SYT17: variants seen among roughly 807,000 people sequenced by gnomAD.
The protein encoded by SYT17 is synaptotagmin-17.
Under a neutral mutation model 46.7 loss-of-function variants are expected in SYT17, and 22 were observed. The observed-to-expected ratio is 0.47, with a 90% CI of 0.34 to 0.67. The LOEUF (loss-of-function observed/expected upper bound fraction) is 0.67, where lower values mean the gene tolerates loss of function less well. SYT17 is among the 30% of genes least tolerant of loss of function. The pLI, the probability that SYT17 is intolerant of heterozygous loss-of-function variation, is 0.01. For synonymous variants in SYT17, 251 were observed against 248.4 expected (o/e 1.01, Z -0.10); for missense variants, 519 against 612.8 (o/e 0.85, Z 1.62).
chr16:19,206,629 A>T (rs1052005767), intron 5 of SYT17, among the ~76,000 whole-genome samples: 2 of 152,058 alleles, frequency 1.3e-5, no homozygotes, highest in Non-Finnish European at 2.9e-5. Context: ...TACAGGAGAA[A>T]CCACCCCAGG....
rs1037786567 is a variant in SYT17 at position 19,233,587 on chromosome 16, T to C, written c.1228+8749T>C. On this transcript the variant is annotated intron_variant, in intron 7 of 7. Transcript: ENST00000355377. Reference sequence around the variant, plus strand: ...GGGAGGATCACTTGAGTCCAGGAGGTCAAGGCTGCAGTGAGCTAGGATCAT... The same window carrying C: ...GGGAGGATCACTTGAGTCCAGGAGGCCAAGGCTGCAGTGAGCTAGGATCAT... 9.3e-5 allele frequency among the ~76,000 whole-genome samples: 14 copies of C among 151,138 alleles called. No individual in the cohort carries two copies. In the South Asian group the frequency reaches 2.1e-3, roughly 23 times the overall value.
At position 19,172,754 on chromosome 16, in the gene SYT17, G is replaced by A. The variant is rs781617784; in HGVS notation, c.16-6G>A. 3 of 1,613,340 alleles carry A rather than the reference G, an allele frequency of 1.9e-6. No homozygotes were observed. The Admixed American group carries it at 5.0e-5, about 27-fold the overall frequency. On this transcript the variant is annotated splice_region_variant and splice_polypyrimidine_tract_variant and intron_variant, in intron 1 of 7. Transcript: ENST00000355377. ...CTTGGCTTCATCGTGGATCTTAAAAGGGCAGTTGGAACCATTAAACGAGGT... is the reference window on the plus strand; with the variant it reads ...CTTGGCTTCATCGTGGATCTTAAAAAGGCAGTTGGAACCATTAAACGAGGT...
chr16:19,218,634 A>G (rs1966184810), intron 5 of SYT17, among the ~76,000 whole-genome samples: 2 of 152,220 alleles, frequency 1.3e-5, no homozygotes, highest in Non-Finnish European at 2.9e-5. Flanking sequence ...TTCTATCCAC[A>G]CTTGAAGGCT....
chr16:19,182,331 C>T (rs185625340), intron 4 of SYT17, among the ~76,000 whole-genome samples: 1 of 151,868 alleles, frequency 6.6e-6, no homozygotes, highest in Admixed American at 6.6e-5. Context: ...ATGAGATTCA[C>T]TTGCACCTGG....
At position 19,203,765 on chromosome 16, in the gene SYT17, G is replaced by A. The variant is rs994704316; in HGVS notation, c.952-19280G>A. Among the ~76,000 whole-genome samples, 4 of 152,362 alleles carry A rather than the reference G, an allele frequency of 2.6e-5. No individual in the cohort carries two copies. In the South Asian group the frequency reaches 6.2e-4, roughly 24 times the overall value. ...TTCTGCTGGTAGAATAAACAGCCAC[G>A]TGTTCACTGAAAGAGGTAAATCTCA... On this transcript the variant is annotated intron_variant, in intron 5 of 7. Transcript: ENST00000355377.
chr16:19,205,466 G>T (rs1481972215), intron 5 of SYT17, among the ~76,000 whole-genome samples: 2 of 150,528 alleles, frequency 1.3e-5, no homozygotes, highest in Non-Finnish European at 2.9e-5. Flanking sequence ...TTGAGACAAG[G>T]TCTCACTCTG....
intron 7 of SYT17, among the ~76,000 whole-genome samples, chr16:19,245,789 G>A (rs998752569): frequency 5.9e-5 from 9 of 152,196 alleles, no homozygotes; most frequent in Non-Finnish European, 1.3e-4. Context: ...GCTTGAGAGG[G>A]AGCGGGGAGC....
intron 3 of SYT17, among the ~76,000 whole-genome samples, chr16:19,178,521 A>C (rs908819618): frequency 2.0e-5 from 3 of 151,304 alleles, no homozygotes; most frequent in Non-Finnish European, 4.4e-5. Context: ...CGAACCCCTG[A>C]CCTCAAGTGA....
At chr16:19,237,119 G>A (rs1966859739) in intron 7 of SYT17, among the ~76,000 whole-genome samples, 1 of 152,236 alleles carries the variant, frequency 6.6e-6, no homozygotes, top group Non-Finnish European at 1.5e-5. Flanking sequence ...TGTTTAGGTA[G>A]TAACTAGCAA....
chr16:19,170,561 ATCT>A (rs1423267150), intron 1 of SYT17: 4 of 152,076 alleles, frequency 2.6e-5, no homozygotes, highest in Admixed American at 6.6e-5. Context: ...ACCCTCTTTC[ATCT>A]TCTTTGCTTT....
chr16:19,241,900 C>T lies in SYT17; in HGVS notation c.1228+17062C>T, dbSNP rs144059761. 7.4e-3 allele frequency among the ~76,000 whole-genome samples: 1,122 copies of T among 152,274 alleles called. 7 individuals are homozygous for T. The highest frequency in any genetic ancestry group is 0.017 in the Middle Eastern group (5 of 294). On this transcript the variant is annotated intron_variant, in intron 7 of 7. Coordinates refer to ENST00000355377, the MANE Select transcript of SYT17 (RefSeq NM_016524.4). ...CACCACTGCCCGTTCCCCGCAACTGCCCCCCACCACCACAGCCAGAGCAAT... is the reference window on the plus strand; with the variant it reads ...CACCACTGCCCGTTCCCCGCAACTGTCCCCCACCACCACAGCCAGAGCAAT...
intron 5 of SYT17, among the ~76,000 whole-genome samples, chr16:19,207,940 C>T: frequency 6.6e-6 from 1 of 151,918 alleles, no homozygotes; most frequent in Non-Finnish European, 1.5e-5. Flanking sequence ...GAAAATGGAG[C>T]CTTACCTCAT....
At chr16:19,190,325 C>T (rs1404781220) in intron 5 of SYT17, among the ~76,000 whole-genome samples, 5 of 152,078 alleles carry the variant, frequency 3.3e-5, no homozygotes, top group Admixed American at 2.0e-4. Context: ...GAGCTGATAT[C>T]GTGCCATTGC....
At chr16:19,241,480 C>T (rs1049270237) in intron 7 of SYT17, among the ~76,000 whole-genome samples, 1 of 152,198 alleles carries the variant, frequency 6.6e-6, no homozygotes, top group East Asian at 1.9e-4. Flanking sequence ...CTTGTGACTG[C>T]TCCCACCCAC....
At chr16:19,195,206 T>C (rs1455352993) in intron 5 of SYT17, among the ~76,000 whole-genome samples, 2 of 152,152 alleles carry the variant, frequency 1.3e-5, no homozygotes, top group African/African-American at 4.8e-5. Flanking sequence ...GTGTGAACTA[T>C]TATTATCACC....
intron 5 of SYT17, among the ~76,000 whole-genome samples, chr16:19,219,800 C>G (rs1966239738): frequency 6.6e-6 from 1 of 152,184 alleles, no homozygotes; most frequent in East Asian, 1.9e-4. Context: ...AGGGACGGTT[C>G]TCACTGGTGT....
intron 5 of SYT17, among the ~76,000 whole-genome samples, chr16:19,216,007 G>T (rs896282327): frequency 1.3e-5 from 2 of 152,130 alleles, no homozygotes; most frequent in African/African-American, 4.8e-5. Context: ...ACATGGGAAA[G>T]ACTTGCCTCC....
At chr16:19,180,181 G>T (rs959898288) in intron 3 of SYT17, 19 of 550,990 alleles carry the variant, frequency 3.4e-5, no homozygotes, top group African/African-American at 3.4e-4. Context: ...TCTAAATTGG[G>T]GAATATTTCT....
chr16:19,208,451 A>G (rs906231588), intron 5 of SYT17, among the ~76,000 whole-genome samples: 4 of 152,180 alleles, frequency 2.6e-5, no homozygotes, highest in African/African-American at 7.2e-5. Context: ...CACGGCTTAC[A>G]TGGCAGCAGG....
Sources: gnomAD v4.1 joint callset for allele counts (sites outside exome capture counted in the v4.1 genomes callset) on GRCh38, gnomAD v4.1.1 for gene constraint, MANE v1.5 for transcripts, NCBI Gene and HGNC (gene_info 2026-07-23, HGNC 2026-07-21) for gene names.